Variants in MAPK8IP3 observed in about 807,000 individuals in gnomAD.
MAPK8IP3 encodes the protein C-Jun-amino-terminal kinase-interacting protein 3.
A neutral mutation model predicts 157.8 loss-of-function variants in MAPK8IP3; 49 were observed. The ratio of observed to expected loss-of-function variants is 0.31; its 90% CI spans 0.25 to 0.39. The LOEUF is 0.39. Ranked by LOEUF, MAPK8IP3 falls within the 10% of genes least tolerant of loss-of-function variation. MAPK8IP3 has a pLI of 1.00. For synonymous variants in MAPK8IP3, 897 were observed against 777.7 expected (o/e 1.15, Z -2.55); for missense variants, 1,478 against 1,889.4 (o/e 0.78, Z 4.04).
chr16:1,730,651 G>A (rs2039246548), intron 4 of MAPK8IP3, among the ~76,000 whole-genome samples: 2 of 152,132 alleles, frequency 1.3e-5, no homozygotes, highest in Admixed American at 1.3e-4. Context: ...AGACCATCCT[G>A]GCTAACATGT....
intron 4 of MAPK8IP3, among the ~76,000 whole-genome samples, chr16:1,737,472 A>C (rs1272269889): frequency 1.5e-5 from 1 of 66,192 alleles, no homozygotes; most frequent in African/African-American, 6.1e-5. Flanking sequence ...CCATGTGAGC[A>C]TCTGTGTGAC....
intron 1 of MAPK8IP3, among the ~76,000 whole-genome samples, chr16:1,719,481 C>A (rs530456965): frequency 2.4e-4 from 36 of 152,116 alleles, no homozygotes; most frequent in African/African-American, 8.7e-4. Flanking sequence ...ATATTAGATA[C>A]TAGAAAGTAC....
intron 1 of MAPK8IP3, chr16:1,713,742 G>A (rs1420877869): frequency 6.6e-6 from 1 of 152,196 alleles, no homozygotes; most frequent in East Asian, 1.9e-4. Flanking sequence ...CTGTGCTCAG[G>A]GCACAGGATC....
At chr16:1,721,838 C>G (rs577773868) in intron 1 of MAPK8IP3, among the ~76,000 whole-genome samples, 1 of 152,146 alleles carries the variant, frequency 6.6e-6, no homozygotes, top group South Asian at 2.1e-4. Context: ...GGCGTGATCT[C>G]AGCTCCCTGC....
chr16:1,722,259 A>T (rs1312663290), intron 1 of MAPK8IP3, among the ~76,000 whole-genome samples: 1 of 152,094 alleles, frequency 6.6e-6, no homozygotes, highest in Non-Finnish European at 1.5e-5. Context: ...TGATGCCCAT[A>T]ACACAGACTC....
At chr16:1,727,591 G>A (rs138883444) in intron 2 of MAPK8IP3, among the ~76,000 whole-genome samples, 3,194 of 151,848 alleles carry the variant, frequency 0.021, 118 homozygotes, top group African/African-American at 0.072. Flanking sequence ...TAAGTCGTGC[G>A]TGTGAGGTGC....
In MAPK8IP3 at chr16:1,746,919, C is replaced by A. The variant is rs889074670; in HGVS notation, c.748-110C>A. The stretch of plus-strand genomic sequence containing the variant: ...GAGCTCTGGCCCGCAGGGTGTCGGG[C>A]GAGGCAAAGTGCAAAGCATTGGTGC... On this transcript the variant is annotated intron_variant, in intron 5 of 31. Coordinates refer to ENST00000610761, the MANE Select transcript of MAPK8IP3 (RefSeq NM_001318852.2). The A allele has an allele frequency of 2.5e-5, 34 of 1,342,150 alleles. 1 individual carries two copies. In the South Asian group the frequency reaches 4.8e-4, roughly 19 times the overall value. 83.1% of individuals were successfully genotyped at this position (1,342,150 alleles called of 1,614,324 possible).
intron 31 of MAPK8IP3, 21 bp from the exon 32 acceptor site, chr16:1,768,682 A>T: frequency 6.2e-7 from 1 of 1,611,128 alleles, no homozygotes; most frequent in Non-Finnish European, 8.5e-7. Context: ...CCTGGCCGTC[A>T]CTCTGCTGCT....
Position 1,729,500 on chromosome 16 carries a change from A to G in MAPK8IP3, c.524A>G (p.Tyr175Cys), listed in dbSNP as rs1214325425. The G allele has an allele frequency of 3.7e-6, 6 of 1,612,936 alleles. No individual in the cohort carries two copies. The highest frequency in any genetic ancestry group is 2.5e-6 in the Non-Finnish European group (3 of 1,179,678). Reference sequence around the variant, plus strand: ...CCCTCCTCGCAGATGATACAGACCTACGTGGAGCACATTGAGAGGTCCAAG... The same window carrying G: ...CCCTCCTCGCAGATGATACAGACCTGCGTGGAGCACATTGAGAGGTCCAAG... ...HQRHTEMIQT[Y>C]VEHIERSKMQ... is the part of the protein sequence containing the mutation. Residue 175 changes from tyrosine to cysteine, a missense_variant, in exon 4 of 32, where the codon TAC (tyrosine) becomes TGC (cysteine). This residue lies in a region of MAPK8IP3 where 315 missense variants were observed against 394.4 expected (regional missense o/e 0.80). Coordinates refer to ENST00000610761, the MANE Select transcript of MAPK8IP3 (RefSeq NM_001318852.2).
rs1002727825 is a variant in MAPK8IP3, at chr16:1,742,305, C to T, written c.603-1027C>T. Among the ~76,000 whole-genome samples, 14 of 152,114 alleles carry T rather than the reference C, an allele frequency of 9.2e-5. No individual in the cohort carries two copies. Among genetic ancestry groups the T allele is most frequent in the Admixed American group, 8.5e-4 (13 of 15,280 alleles). On this transcript the variant is annotated intron_variant, in intron 4 of 31. Coordinates refer to ENST00000610761, the MANE Select transcript of MAPK8IP3 (RefSeq NM_001318852.2). This position sits in a 1 kb window ranked among gnomAD's most constrained non-coding sequence, Gnocchi z 5.0. ...TTGCTTATGGCCCACAGGAGGTCAT[C>T]CCTAGGGACTGAGCCCACAGCAGGG...
chr16:1,732,981 C>T (rs374137456), intron 4 of MAPK8IP3, among the ~76,000 whole-genome samples: 10 of 152,252 alleles, frequency 6.6e-5, no homozygotes, highest in East Asian at 1.9e-4. Context: ...GATTCTCATT[C>T]GCAGCTCCCG....
At chr16:1,739,172 AT>A (rs2040401032) in intron 4 of MAPK8IP3, among the ~76,000 whole-genome samples, 1 of 100,416 alleles carries the variant, frequency 1.0e-5, no homozygotes, top group Admixed American at 1.3e-4. Context: ...GAGTGTGACC[AT>A]CCATGTGAGC....
intron 2 of MAPK8IP3, among the ~76,000 whole-genome samples, chr16:1,726,585 A>C (rs1039585174): frequency 2.0e-5 from 3 of 152,182 alleles, no homozygotes; most frequent in Non-Finnish European, 4.4e-5. Context: ...GCTGAGGTAG[A>C]GGATTGCTCA....
chr16:1,730,707 GT>G (rs1453606483), intron 4 of MAPK8IP3, among the ~76,000 whole-genome samples: 1 of 152,136 alleles, frequency 6.6e-6, no homozygotes, highest in Non-Finnish European at 1.5e-5. Context: ...GCCGGGTGTG[GT>G]GGCGGGCGCC....
chr16:1,734,055 TC>T (rs2039493821), intron 4 of MAPK8IP3, among the ~76,000 whole-genome samples: 1 of 152,070 alleles, frequency 6.6e-6, no homozygotes. Context: ...GAGGGAGGGG[TC>T]TCATCCAGGT....
chr16:1,759,244 C>T (rs1028811246), intron 10 of MAPK8IP3, among the ~76,000 whole-genome samples: 5 of 152,134 alleles, frequency 3.3e-5, no homozygotes, highest in African/African-American at 7.2e-5. Flanking sequence ...CCACAAGCGC[C>T]GGGCAGACCC....
rs1596522037 is a variant in MAPK8IP3, at chr16:1,706,847, C to G, written c.318+190C>G. On this transcript the variant is annotated intron_variant, in intron 1 of 31. Transcript: ENST00000610761. The surrounding 1 kb of genome is among the most constrained non-coding windows in gnomAD (Gnocchi z 5.1). ...CCCCCGCCCCGGGACTTCCCCACCC[C>G]CTCTGCCCGCCGTGAGACACCTCCC... Among the ~76,000 whole-genome samples, 1 of 148,300 alleles carries G rather than the reference C, an allele frequency of 6.7e-6. No homozygotes were observed. The highest frequency in any genetic ancestry group is 2.2e-4 in the South Asian group (1 of 4,538).
chr16:1,736,146 CTG>C (rs1415028082), intron 4 of MAPK8IP3, among the ~76,000 whole-genome samples: 3 of 117,286 alleles, frequency 2.6e-5, no homozygotes, highest in East Asian at 5.3e-4. Flanking sequence ...ATGTGAGCAT[CTG>C]TGTGACCGTC....
At chr16:1,721,919 G>A (rs1461962780) in intron 1 of MAPK8IP3, among the ~76,000 whole-genome samples, 4 of 151,830 alleles carry the variant, frequency 2.6e-5, no homozygotes, top group African/African-American at 4.8e-5. Context: ...ACAGGCGCCC[G>A]CCACCACGCC....
Sources: gnomAD v4.1 joint callset for allele counts (sites outside exome capture counted in the v4.1 genomes callset) on GRCh38, gnomAD v4.1.1 for gene constraint, gnomAD v4.1.1 regional missense constraint, Gnocchi (gnomAD v3.1) non-coding constraint, MANE v1.5 for transcripts, NCBI Gene and HGNC (gene_info 2026-07-23, HGNC 2026-07-21) for gene names.